RBFOX1: variants seen among roughly 807,000 people sequenced by gnomAD.
RBFOX1 encodes the protein RNA binding fox-1 homolog 1.
Under a neutral mutation model 57.7 loss-of-function variants are expected in RBFOX1, and 8 were observed. That is an observed-to-expected ratio of 0.14 (90% CI 0.08 to 0.25). RBFOX1 has a LOEUF of 0.25. Ranked by LOEUF, RBFOX1 falls within the 10% of genes least tolerant of loss-of-function variation. The pLI is 1.00. For missense variants in RBFOX1, 611 were observed against 548.5 expected, an observed-to-expected ratio of 1.11 and a Z score of -1.14; for synonymous variants, 326 against 222.4, an observed-to-expected ratio of 1.47 and a Z score of -4.15.
chr16:6,057,079 G>C (rs1167916922), intron 1 of RBFOX1: 1 of 136,044 alleles, frequency 7.4e-6, no homozygotes, highest in African/African-American at 2.6e-5. Flanking sequence ...GAACACAGGA[G>C]GGGGGGGAAT....
chr16:6,841,142 G>A (rs374137231), intron 3 of RBFOX1, among the ~76,000 whole-genome samples: 1 of 151,832 alleles, frequency 6.6e-6, no homozygotes, highest in Admixed American at 6.6e-5. Flanking sequence ...GTACACTCTG[G>A]ATATTAGCCT....
intron 3 of RBFOX1, among the ~76,000 whole-genome samples, chr16:7,050,056 T>A (rs2049462781): frequency 6.6e-6 from 1 of 152,122 alleles, no homozygotes; most frequent in African/African-American, 2.4e-5. Context: ...TTGTTCTCTG[T>A]CTCAATGAAT....
intron 9 of RBFOX1, among the ~76,000 whole-genome samples, chr16:7,604,102 G>A (rs2095179746): frequency 6.6e-6 from 1 of 152,186 alleles, no homozygotes; most frequent in East Asian, 1.9e-4. Context: ...GAGGGTAAGA[G>A]AAGAATCAAG....
chr16:7,468,493 A>G (rs1424412058), intron 4 of RBFOX1, among the ~76,000 whole-genome samples: 1 of 151,076 alleles, frequency 6.6e-6, no homozygotes, highest in Non-Finnish European at 1.5e-5. Flanking sequence ...CAACTTGGAA[A>G]TAACCCATTG....
chr16:5,999,661 A>G (rs1231513005), intron 4 of RBFOX1, among the ~76,000 whole-genome samples: 3 of 152,054 alleles, frequency 2.0e-5, no homozygotes, highest in Non-Finnish European at 4.4e-5. Flanking sequence ...GGAGATCGAG[A>G]CCATTCTGGC....
chr16:6,717,160 G>A (rs1490542273), intron 3 of RBFOX1, among the ~76,000 whole-genome samples: 2 of 152,112 alleles, frequency 1.3e-5, no homozygotes, highest in Non-Finnish European at 1.5e-5. Flanking sequence ...TGTTTAAGAT[G>A]CACGGTCTAT....
chr16:5,519,175 C>T (rs917486359), intron 2 of RBFOX1, among the ~76,000 whole-genome samples: 1 of 152,192 alleles, frequency 6.6e-6, no homozygotes, highest in African/African-American at 2.4e-5. Flanking sequence ...GTTTAAGCCA[C>T]CCAGGCTGTG....
At chr16:5,268,277 C>T (rs2062912613) in intron 1 of RBFOX1, among the ~76,000 whole-genome samples, 1 of 152,144 alleles carries the variant, frequency 6.6e-6, no homozygotes, top group Non-Finnish European at 1.5e-5. Flanking sequence ...TGTGTTAATT[C>T]TGCAAAATTT....
chr16:7,646,875 A>G (rs962589193), intron 11 of RBFOX1, among the ~76,000 whole-genome samples: 18 of 152,160 alleles, frequency 1.2e-4, no homozygotes, highest in Non-Finnish European at 2.6e-4. Context: ...ATGTTCGTAA[A>G]AGAGGGAGAG....
chr16:6,492,628 C>T (rs1598152396), intron 2 of RBFOX1, among the ~76,000 whole-genome samples: 1 of 152,142 alleles, frequency 6.6e-6, no homozygotes, highest in African/African-American at 2.4e-5. Flanking sequence ...CCCAGCCTTT[C>T]TGCCTCTGGA....
chr16:7,666,043 C>A (rs568373242), intron 13 of RBFOX1, among the ~76,000 whole-genome samples: 2 of 152,128 alleles, frequency 1.3e-5, no homozygotes, highest in African/African-American at 4.8e-5. Context: ...ACCCATATGT[C>A]CTAATTCACT....
intron 3 of RBFOX1, among the ~76,000 whole-genome samples, chr16:7,031,723 T>G (rs943752492): frequency 6.6e-6 from 1 of 152,198 alleles, no homozygotes; most frequent in Non-Finnish European, 1.5e-5. Flanking sequence ...TTGTGATTTT[T>G]AAAATACTAT....
At chr16:6,896,260 CAAAACAAAACAT>C (rs1368195557) in intron 3 of RBFOX1, among the ~76,000 whole-genome samples, 1 of 152,074 alleles carries the variant, frequency 6.6e-6, no homozygotes, top group Non-Finnish European at 1.5e-5. Flanking sequence ...GAGACTGTCT[CAAAACAAAACAT>C]AAAACAGTTT....
intron 2 of RBFOX1, among the ~76,000 whole-genome samples, chr16:6,504,622 C>G (rs951888622): frequency 6.6e-6 from 1 of 152,138 alleles, no homozygotes; most frequent in African/African-American, 2.4e-5. Flanking sequence ...GATAGATGGG[C>G]AAGTGTGAGG....
chr16:6,888,763 TA>T (rs1820430370), intron 3 of RBFOX1, among the ~76,000 whole-genome samples: 1 of 152,174 alleles, frequency 6.6e-6, no homozygotes, highest in African/African-American at 2.4e-5. Flanking sequence ...ATGCCTTAGT[TA>T]AAAGATTAAC....
intron 3 of RBFOX1, among the ~76,000 whole-genome samples, chr16:6,929,905 A>G (rs2076227229): frequency 6.6e-6 from 1 of 152,194 alleles, no homozygotes; most frequent in South Asian, 2.1e-4. Flanking sequence ...AGGACAGAAA[A>G]TGTGTGGAAG....
At chr16:6,111,755 T>C (rs2096449019) in intron 1 of RBFOX1, among the ~76,000 whole-genome samples, 1 of 152,014 alleles carries the variant, frequency 6.6e-6, no homozygotes. Flanking sequence ...CTTTTGAAAA[T>C]TGTTTGGGTA....
chr16:5,984,976 AT>A (rs869160414), intron 4 of RBFOX1, among the ~76,000 whole-genome samples: 221 of 55,594 alleles, frequency 4.0e-3, no homozygotes, highest in Middle Eastern at 0.017. Flanking sequence ...ATATATATAT[AT>A]TTTTTTTTTT....
intron 3 of RBFOX1, among the ~76,000 whole-genome samples, chr16:5,669,087 A>T (rs1210829713): frequency 6.6e-6 from 1 of 152,228 alleles, no homozygotes; most frequent in Non-Finnish European, 1.5e-5. Flanking sequence ...AAAGATCTCA[A>T]TTCAAACCAA....
Sources: allele counts gnomAD v4.1 joint callset (sites outside exome capture counted in the v4.1 genomes callset), GRCh38; gene constraint gnomAD v4.1.1; transcripts MANE v1.5; gene names NCBI Gene and HGNC (gene_info 2026-07-23, HGNC 2026-07-21).